The following RBFOX1 variants were observed in gnomAD, a reference collection of about 807,000 sequenced individuals.
RBFOX1 encodes the protein RNA binding fox-1 homolog 1.
Under a neutral mutation model 57.7 loss-of-function variants are expected in RBFOX1, and 8 were observed. The ratio of observed to expected loss-of-function variants is 0.14; its 90% CI spans 0.08 to 0.25. RBFOX1 has a LOEUF of 0.25. Among genes scored for constraint, RBFOX1 ranks in the 10% least tolerant of loss-of-function variants. The pLI is 1.00. For synonymous variants in RBFOX1, 326 were observed against 222.4 expected, an observed-to-expected ratio of 1.47 and a Z score of -4.15; for missense variants, 611 against 548.5, an observed-to-expected ratio of 1.11 and a Z score of -1.14.
intron 1 of RBFOX1, among the ~76,000 whole-genome samples, chr16:5,397,154 T>A (rs1297225818): frequency 2.6e-5 from 4 of 152,218 alleles, no homozygotes. Flanking sequence ...ACCACAGGTG[T>A]CTGGTCATTT....
chr16:5,793,907 T>G (rs772938926), intron 3 of RBFOX1, among the ~76,000 whole-genome samples: 10 of 152,246 alleles, frequency 6.6e-5, no homozygotes, highest in Non-Finnish European at 1.2e-4. Flanking sequence ...TATAAACCTG[T>G]GTGATCTTGG....
At chr16:6,534,520 C>A (rs571290091) in intron 2 of RBFOX1, among the ~76,000 whole-genome samples, 2 of 152,102 alleles carry the variant, frequency 1.3e-5, no homozygotes, top group African/African-American at 4.8e-5. Flanking sequence ...CTTTTCATGC[C>A]ATTGGGAAAG....
chr16:6,575,985 A>T (rs1355006934), intron 2 of RBFOX1, among the ~76,000 whole-genome samples: 1 of 152,094 alleles, frequency 6.6e-6, no homozygotes, highest in Non-Finnish European at 1.5e-5. Context: ...ATCAAAAAAT[A>T]ATTTTTTATT....
intron 3 of RBFOX1, among the ~76,000 whole-genome samples, chr16:5,677,033 A>T (rs2050188067): frequency 6.6e-6 from 1 of 152,242 alleles, no homozygotes; most frequent in South Asian, 2.1e-4. Context: ...TCTTTTAGAA[A>T]ATCAACTAAA....
Position 6,284,375 on chromosome 16 carries a change from G to A in RBFOX1, c.-126-32620G>A, listed in dbSNP as rs531670622. Reference sequence around the variant, plus strand: ...CAATGATGCTTGCTGGTAAGCTGCCGATATTTGAAAGAGTCACTGTGCTAA... The same window carrying A: ...CAATGATGCTTGCTGGTAAGCTGCCAATATTTGAAAGAGTCACTGTGCTAA... On this transcript the variant is annotated intron_variant, in intron 1 of 15. Coordinates refer to ENST00000550418, the MANE Select transcript of RBFOX1 (RefSeq NM_018723.4). Among the ~76,000 whole-genome samples, 12 of 152,156 alleles carry A rather than the reference G, an allele frequency of 7.9e-5. No individual in the cohort carries two copies. In the South Asian group the frequency reaches 2.1e-3, roughly 26 times the overall value.
chr16:5,858,347 T>TGTGTCAGGGTGACTGATGGGC (rs1340480830), intron 3 of RBFOX1, among the ~76,000 whole-genome samples: 1 of 152,192 alleles, frequency 6.6e-6, no homozygotes, highest in Non-Finnish European at 1.5e-5. Context: ...TTTTCTACCA[T>TGTGTCAGGGTGACTGATGGGC]GTGTCAGGGT....
At chr16:6,965,583 C>T (rs1427257238) in intron 3 of RBFOX1, among the ~76,000 whole-genome samples, 97 of 152,136 alleles carry the variant, frequency 6.4e-4, no homozygotes, top group Non-Finnish European at 1.3e-4. Context: ...GTGATCTCCC[C>T]AACTTGGCTT....
At chr16:7,516,888 G>T (rs1464121924) in intron 4 of RBFOX1, among the ~76,000 whole-genome samples, 1 of 151,572 alleles carries the variant, frequency 6.6e-6, no homozygotes, top group African/African-American at 2.4e-5. Flanking sequence ...CACTCAAATT[G>T]CTTTAGAGAA....
chr16:5,537,573 T>C (rs1015655374), intron 2 of RBFOX1, among the ~76,000 whole-genome samples: 9 of 152,190 alleles, frequency 5.9e-5, no homozygotes, highest in Non-Finnish European at 1.2e-4. Context: ...TCCTTGTGGT[T>C]GTGGGACTGA....
intron 3 of RBFOX1, among the ~76,000 whole-genome samples, chr16:6,840,023 C>A (rs982809070): frequency 6.6e-6 from 1 of 152,024 alleles, no homozygotes; most frequent in Non-Finnish European, 1.5e-5. Flanking sequence ...CAACTATGGA[C>A]CCTGGGAAGG....
At chr16:7,522,763 C>G (rs1328933715) in intron 5 of RBFOX1, among the ~76,000 whole-genome samples, 1 of 151,668 alleles carries the variant, frequency 6.6e-6, no homozygotes, top group Non-Finnish European at 1.5e-5. Flanking sequence ...GTTTTATAGG[C>G]GATAAGAAGG....
chr16:7,014,762 T>C (rs2093823042), intron 3 of RBFOX1, among the ~76,000 whole-genome samples: 1 of 152,148 alleles, frequency 6.6e-6, no homozygotes, highest in Non-Finnish European at 1.5e-5. Flanking sequence ...TCTCGCTCTG[T>C]CACCCAGGCT....
At chr16:7,533,338 C>G (rs1205192135) in intron 5 of RBFOX1, among the ~76,000 whole-genome samples, 1 of 152,138 alleles carries the variant, frequency 6.6e-6, no homozygotes, top group Non-Finnish European at 1.5e-5. Context: ...TAGTGACTGC[C>G]AGAGTTGTTA....
At chr16:7,415,668 C>T (rs545718478) in intron 4 of RBFOX1, among the ~76,000 whole-genome samples, 1 of 152,248 alleles carries the variant, frequency 6.6e-6, no homozygotes, top group Admixed American at 6.5e-5. Context: ...AAAAGTGCCA[C>T]CCTCTACCAA....
intron 7 of RBFOX1, among the ~76,000 whole-genome samples, chr16:7,592,725 G>A (rs759720894): frequency 6.6e-6 from 1 of 152,168 alleles, no homozygotes; most frequent in Admixed American, 6.5e-5. Context: ...TGTGCTTTTG[G>A]CTGTACCTCT....
At chr16:6,773,265 TTG>T (rs1178711453) in intron 3 of RBFOX1, among the ~76,000 whole-genome samples, 1 of 116,398 alleles carries the variant, frequency 8.6e-6, no homozygotes, top group African/African-American at 3.5e-5. Context: ...TGGGGTGCAT[TTG>T]TGTGTGTGTA....
At chr16:6,906,997 T>C (rs1192768815) in intron 3 of RBFOX1, among the ~76,000 whole-genome samples, 1 of 152,154 alleles carries the variant, frequency 6.6e-6, no homozygotes, top group Non-Finnish European at 1.5e-5. Context: ...GTGCTAGGAT[T>C]ACAGGCATGA....
rs570346824 is a variant in RBFOX1 at position 6,417,682 on chromosome 16, G to A, written c.-64+100625G>A. On this transcript the variant is annotated intron_variant, in intron 2 of 15. Coordinates refer to ENST00000550418, the MANE Select transcript of RBFOX1 (RefSeq NM_018723.4). ...TGGGATTACAGGTGTGAGCCACCATGTCTGGCCTTAAACTCCTTTCTTTTT... is the reference window on the plus strand; with the variant it reads ...TGGGATTACAGGTGTGAGCCACCATATCTGGCCTTAAACTCCTTTCTTTTT... Among the ~76,000 whole-genome samples, 13 of 144,444 alleles carry A rather than the reference G, an allele frequency of 9.0e-5. 1 individual carries two copies. The South Asian group carries it at 2.9e-3, about 32-fold the overall frequency. 94.8% of individuals were successfully genotyped at this position (144,444 alleles called of 152,430 possible).
intron 4 of RBFOX1, among the ~76,000 whole-genome samples, chr16:7,236,596 C>G (rs905958495): frequency 2.6e-5 from 4 of 152,184 alleles, no homozygotes; most frequent in Non-Finnish European, 4.4e-5. Flanking sequence ...AAATGGCCAC[C>G]TTTTAAGGTA....
Sources: allele counts gnomAD v4.1 joint callset (sites outside exome capture counted in the v4.1 genomes callset), GRCh38; gene constraint gnomAD v4.1.1; transcripts MANE v1.5; gene names NCBI Gene and HGNC (gene_info 2026-07-23, HGNC 2026-07-21).